ACACA: variants seen among roughly 807,000 people sequenced by gnomAD.
The protein encoded by ACACA is acetyl-CoA carboxylase alpha.
A neutral mutation model predicts 296.1 loss-of-function variants in ACACA; 103 were observed. That is an observed-to-expected ratio of 0.35 (90% CI 0.30 to 0.41). The LOEUF (loss-of-function observed/expected upper bound fraction) is 0.41, where lower values mean the gene tolerates loss of function less well. Ranked by LOEUF, ACACA falls within the 10% of genes least tolerant of loss-of-function variation. The probability of loss-of-function intolerance (pLI) is 1.00; values close to 1 mark genes in which losing one functional copy is unlikely to be tolerated. For synonymous variants in ACACA, 953 were observed against 1,038.6 expected (o/e 0.92, Z 1.58); for missense variants, 1,554 against 2,989.7 (o/e 0.52, Z 11.20).
chr17:37,224,897 TTAAG>T (rs1242141032), intron 27 of ACACA, 91 bp downstream of exon 27: 21 of 513,370 alleles, frequency 4.1e-5, no homozygotes, highest in South Asian at 9.2e-5. Context: ...AATTAATTAA[TTAAG>T]TGACTAATTA....
At chr17:37,336,918 G>C (rs755564872) in intron 2 of ACACA, among the ~76,000 whole-genome samples, 25 of 152,252 alleles carry the variant, frequency 1.6e-4, no homozygotes, top group African/African-American at 5.8e-4. Context: ...GATTGTTCTG[G>C]TGTAATTTGT....
chr17:37,142,356 A>C (rs1245501751), intron 45 of ACACA, among the ~76,000 whole-genome samples: 1 of 152,348 alleles, frequency 6.6e-6, no homozygotes, highest in Middle Eastern at 3.4e-3. Context: ...AACCTGGTAT[A>C]GTTTTCTACC....
chr17:37,403,723 G>C (rs2051368138), intron 1 of ACACA, among the ~76,000 whole-genome samples: 1 of 152,140 alleles, frequency 6.6e-6, no homozygotes, highest in Non-Finnish European at 1.5e-5. Context: ...GGTCTAAGTA[G>C]AGCCTAACAT....
chr17:37,193,448 AG>A, intron 35 of ACACA, 33 bp from the exon 36 acceptor site: 1 of 1,516,712 alleles, frequency 6.6e-7, no homozygotes, highest in Non-Finnish European at 9.2e-7. Context: ...ATGTGTCAGT[AG>A]TTCATAGACA....
intron 1 of ACACA, among the ~76,000 whole-genome samples, chr17:37,381,689 G>A (rs1191455762): frequency 1.4e-5 from 2 of 143,678 alleles, no homozygotes; most frequent in Non-Finnish European, 3.0e-5. Flanking sequence ...GTGCAGTGGT[G>A]CGATCTCAGC....
intron 1 of ACACA, among the ~76,000 whole-genome samples, chr17:37,388,155 GA>G (rs552889702): frequency 6.6e-5 from 10 of 151,690 alleles, no homozygotes; most frequent in East Asian, 3.9e-4. Flanking sequence ...GCCAGAGTGA[GA>G]AAAAAAATGC....
chr17:37,271,015 T>C (rs1397409787), intron 9 of ACACA, among the ~76,000 whole-genome samples, 154 bp from the exon 10 acceptor site: 2 of 152,104 alleles, frequency 1.3e-5, no homozygotes, highest in South Asian at 2.1e-4. Context: ...AAAAAATAAA[T>C]AGTAGAACAA....
chr17:37,106,261 T>C (rs1045483590), intron 52 of ACACA, among the ~76,000 whole-genome samples: 2 of 152,232 alleles, frequency 1.3e-5, no homozygotes, highest in Non-Finnish European at 2.9e-5. Context: ...TTTAAATGCC[T>C]TAAGGGAGCT....
At chr17:37,263,416 C>T (rs559995563) in intron 11 of ACACA, among the ~76,000 whole-genome samples, 25 of 152,188 alleles carry the variant, frequency 1.6e-4, no homozygotes, top group African/African-American at 5.8e-4. Context: ...TTAAAAATTC[C>T]AAAACATTTC....
chr17:37,391,877 A>G, intron 1 of ACACA: 2 of 720,738 alleles, frequency 2.8e-6, no homozygotes, highest in South Asian at 3.4e-5. Context: ...GTGTGGGCTT[A>G]GCAGAGTTAC....
intron 41 of ACACA, among the ~76,000 whole-genome samples, chr17:37,164,534 A>AT (rs1193017134): frequency 6.6e-6 from 1 of 152,256 alleles, no homozygotes; most frequent in Non-Finnish European, 1.5e-5. Flanking sequence ...AAGATAAGGT[A>AT]TTACTCTATC....
chr17:37,249,330 A>G (rs986321185), intron 16 of ACACA, among the ~76,000 whole-genome samples: 2 of 152,200 alleles, frequency 1.3e-5, no homozygotes, highest in African/African-American at 4.8e-5. Context: ...TGGCTGTGCA[A>G]GTATCTTTCA....
chr17:37,308,970 T>C (rs893211839), intron 3 of ACACA, among the ~76,000 whole-genome samples: 8 of 152,138 alleles, frequency 5.3e-5, no homozygotes, highest in African/African-American at 1.4e-4. Flanking sequence ...TTTGTGACTG[T>C]TCCCAATCAG....
chr17:37,276,730 T>A (rs768208354), intron 7 of ACACA, among the ~76,000 whole-genome samples: 1 of 152,318 alleles, frequency 6.6e-6, no homozygotes, highest in Admixed American at 6.5e-5. Context: ...TTTTCCCACA[T>A]GCTTTCTTAA....
At chr17:37,251,023 T>A (rs1385992677) in intron 16 of ACACA, among the ~76,000 whole-genome samples, 2 of 152,028 alleles carry the variant, frequency 1.3e-5, no homozygotes, top group African/African-American at 2.4e-5. Context: ...CGAGACTCTG[T>A]CTCAAAGATA....
intron 11 of ACACA, among the ~76,000 whole-genome samples, chr17:37,260,276 A>T (rs1473164021): frequency 3.4e-5 from 1 of 29,828 alleles, no homozygotes; most frequent in Non-Finnish European, 5.6e-5. Context: ...ATATATATAT[A>T]TATATATATA....
chr17:37,289,554 A>C (rs773087438), intron 3 of ACACA: 1 of 1,280,882 alleles, frequency 7.8e-7, no homozygotes, highest in African/African-American at 1.5e-5. Context: ...TGTCAATCAA[A>C]ATGCAAACTA....
Position 37,406,476 on chromosome 17 carries a change from C to A in ACACA, c.-177G>T. On this transcript the variant is annotated 5_prime_UTR_variant, in exon 1 of 56. Transcript: ENST00000616317. Reference sequence around the variant, plus strand: ...TTCGGGGCCCGGACTGGAGAGGCGCCACGGCTCGCCGTCCCTGGGCCCAGT... The same window carrying A: ...TTCGGGGCCCGGACTGGAGAGGCGCAACGGCTCGCCGTCCCTGGGCCCAGT... The A allele has an allele frequency of 1.4e-6, 1 of 694,588 alleles. No individual in the cohort carries two copies. Among genetic ancestry groups the A allele is most frequent in the South Asian group, 1.7e-5 (1 of 60,422 alleles). The allele number at this position is 694,588 out of a possible 1,614,324, so 43.0% of individuals were successfully genotyped here.
intron 54 of ACACA, among the ~76,000 whole-genome samples, chr17:37,095,439 C>T (rs1287840932): frequency 1.3e-5 from 2 of 152,184 alleles, no homozygotes; most frequent in African/African-American, 4.8e-5. Flanking sequence ...AAAAAATGGG[C>T]AGACTTAATA....
Sources: gnomAD v4.1 joint callset for allele counts (sites outside exome capture counted in the v4.1 genomes callset) on GRCh38, gnomAD v4.1.1 for gene constraint, MANE v1.5 for transcripts, NCBI Gene and HGNC (gene_info 2026-07-23, HGNC 2026-07-21) for gene names.